Variants in MEI1 observed in about 807,000 individuals in gnomAD.
MEI1 encodes meiosis inhibitor protein 1.
In MEI1, 103 loss-of-function variants were observed where a neutral mutation model predicts 146.2. That is an observed-to-expected ratio of 0.70 (90% CI 0.60 to 0.83). MEI1 has a LOEUF of 0.83. MEI1 is among the 40% of genes least tolerant of loss of function. The probability of loss-of-function intolerance (pLI) is 0.00; values close to 1 mark genes in which losing one functional copy is unlikely to be tolerated. For missense variants in MEI1, 1,529 were observed against 1,533.0 expected, an observed-to-expected ratio of 1.00 and a Z score of 0.04; for synonymous variants, 652 against 628.2, an observed-to-expected ratio of 1.04 and a Z score of -0.57.
chr22:41,700,989 G>T (rs1198602331), intron 1 of MEI1, among the ~76,000 whole-genome samples: 1 of 149,852 alleles, frequency 6.7e-6, no homozygotes, highest in Non-Finnish European at 1.5e-5. Context: ...GCCCAGGCTG[G>T]AGTGCAATGG....
chr22:41,716,570 T>G (rs776346109), intron 5 of MEI1, among the ~76,000 whole-genome samples: 1 of 151,428 alleles, frequency 6.6e-6, no homozygotes, highest in Non-Finnish European at 1.5e-5. Context: ...GAGACGGGGT[T>G]TCTCCATGTT....
chr22:41,711,173 C>CT (rs1046705396), intron 3 of MEI1, among the ~76,000 whole-genome samples: 9 of 151,406 alleles, frequency 5.9e-5, no homozygotes, highest in Non-Finnish European at 1.0e-4. Context: ...ACCAGTATTT[C>CT]TTTTTTTTTC....
In MEI1 at chr22:41,778,830, G is replaced by T; in HGVS notation, c.2815+18G>T. 6.3e-7 allele frequency: 1 copy of T among 1,577,428 alleles called. No individual in the cohort carries two copies. The highest frequency in any genetic ancestry group is 8.6e-7 in the Non-Finnish European group (1 of 1,158,452). On this transcript the variant is annotated intron_variant, in intron 22 of 30. Transcript: ENST00000401548. The stretch of plus-strand genomic sequence containing the variant: ...TCACCAAGGTGCCCTGGCTGCTTGG[G>T]ATAGCGCCCAAGGGCCCAGGGCTGG...
At chr22:41,725,743 C>T (rs1001783827) in intron 7 of MEI1, among the ~76,000 whole-genome samples, 2 of 152,246 alleles carry the variant, frequency 1.3e-5, no homozygotes, top group Admixed American at 6.5e-5. Context: ...GCCTATAGGG[C>T]TCCCCTGTCA....
At chr22:41,769,380 A>T (rs570044494) in intron 19 of MEI1, among the ~76,000 whole-genome samples, 1 of 152,238 alleles carries the variant, frequency 6.6e-6, no homozygotes, top group East Asian at 1.9e-4. Context: ...ATGAAGTTGG[A>T]CTCTTAACTC....
chr22:41,716,672 G>A (rs2070218143), intron 5 of MEI1, among the ~76,000 whole-genome samples: 1 of 144,866 alleles, frequency 6.9e-6, no homozygotes, highest in Non-Finnish European at 1.5e-5. Flanking sequence ...CACCACGCTG[G>A]CCTTCCATTC....
At chr22:41,720,597 ATTT>A (rs71184835) in intron 6 of MEI1, among the ~76,000 whole-genome samples, 5 of 124,836 alleles carry the variant, frequency 4.0e-5, no homozygotes, top group Non-Finnish European at 1.6e-5. Flanking sequence ...GCCTGGCTCA[ATTT>A]TTTTTTTTTT....
intron 6 of MEI1, among the ~76,000 whole-genome samples, chr22:41,721,398 C>A (rs549786797): frequency 1.3e-5 from 2 of 151,508 alleles, no homozygotes; most frequent in African/African-American, 2.4e-5. Flanking sequence ...GCGCATGCCA[C>A]CACATCTGGC....
intron 3 of MEI1, among the ~76,000 whole-genome samples, chr22:41,711,197 C>T (rs1048239826): frequency 2.0e-5 from 3 of 151,542 alleles, no homozygotes; most frequent in Admixed American, 6.6e-5. Flanking sequence ...TTTTTTGAGA[C>T]AATCTCACTC....
chr22:41,720,452 A>G (rs1428140424), intron 6 of MEI1, among the ~76,000 whole-genome samples: 1 of 152,086 alleles, frequency 6.6e-6, no homozygotes, highest in Non-Finnish European at 1.5e-5. Context: ...TTATTTTGAG[A>G]CAGGGTCTTG....
chr22:41,766,360 C>T (rs956201507), intron 19 of MEI1, among the ~76,000 whole-genome samples: 1 of 151,040 alleles, frequency 6.6e-6, no homozygotes, highest in African/African-American at 2.4e-5. Context: ...TTAGTAGAGA[C>T]AGGGTTTCAC....
intron 20 of MEI1, 55 bp downstream of exon 20, chr22:41,771,016 G>C (rs980830248): frequency 3.0e-5 from 47 of 1,576,178 alleles, no homozygotes; most frequent in Non-Finnish European, 3.4e-5. Flanking sequence ...TTCTCTCTCT[G>C]AGAGCCGGTT....
At chr22:41,724,136 G>C (rs2071108193) in intron 7 of MEI1, 63 bp downstream of exon 7, 1 of 1,585,538 alleles carries the variant, frequency 6.3e-7, no homozygotes, top group Non-Finnish European at 8.6e-7. Context: ...TGCTTCTTGG[G>C]CCTTGTCTTC....
At chr22:41,740,394 G>T (rs769403833) in intron 11 of MEI1, among the ~76,000 whole-genome samples, 1 of 152,024 alleles carries the variant, frequency 6.6e-6, no homozygotes, top group African/African-American at 2.4e-5. Context: ...GTGGTTCAGA[G>T]TGTCTTTGGA....
At chr22:41,702,263 T>G (rs1307376396) in intron 1 of MEI1, among the ~76,000 whole-genome samples, 2 of 148,710 alleles carry the variant, frequency 1.3e-5, no homozygotes, top group Non-Finnish European at 3.0e-5. Flanking sequence ...GCCTCAGCCT[T>G]CTGAGTAGCT....
chr22:41,759,660 T>TAAATAAATAAATAAATAAATAAAA, intron 18 of MEI1, among the ~76,000 whole-genome samples: 1 of 96,504 alleles, frequency 1.0e-5, no homozygotes, highest in African/African-American at 3.4e-5. Context: ...AATAAATAAA[T>TAAATAAATAAATAAATAAATAAAA]AAAAATAAAA....
chr22:41,781,810 T>A lies in MEI1; in HGVS notation c.3052T>A (p.Ser1018Thr). 6.2e-7 allele frequency: 1 copy of A among 1,613,992 alleles called. No individual in the cohort carries two copies. Among genetic ancestry groups the A allele is most frequent in the Non-Finnish European group, 8.5e-7 (1 of 1,179,902 alleles). ...CTGCTCTGCCTGGCTGCTCACTGCC[T>A]CCTTCTCTGCCCAGCAGCACAAGGG... Reference protein sequence around the residue: ...LLCSAWLLTASFSAQQHKGSL... With the variant: ...LLCSAWLLTATFSAQQHKGSL... The change falls in exon 24 of 31, where the codon TCC becomes ACC. Residue 1018 changes from serine (S) to threonine (T), a missense_variant. Transcript: ENST00000401548.
rs760748126 is a variant in MEI1, at chr22:41,778,816, C to G, written c.2815+4C>G. ...GCCATGAAGCTCCTTCACCAAGGTGCCCTGGCTGCTTGGGATAGCGCCCAA... is the reference window on the plus strand; with the variant it reads ...GCCATGAAGCTCCTTCACCAAGGTGGCCTGGCTGCTTGGGATAGCGCCCAA... On this transcript the variant is annotated splice_donor_region_variant and intron_variant, in intron 22 of 30. Coordinates refer to ENST00000401548, the MANE Select transcript of MEI1 (RefSeq NM_152513.4). 3 of 1,595,702 alleles carry G rather than the reference C, an allele frequency of 1.9e-6. No homozygotes were observed. The highest frequency in any genetic ancestry group is 3.5e-5 in the Admixed American group (2 of 57,104).
chr22:41,776,664 T>C (rs530220137), intron 21 of MEI1, among the ~76,000 whole-genome samples: 9 of 152,196 alleles, frequency 5.9e-5, no homozygotes, highest in Admixed American at 5.9e-4. Context: ...TGTTGGAAGC[T>C]CCTAGTGAGA....
Sources: allele counts gnomAD v4.1 joint callset (sites outside exome capture counted in the v4.1 genomes callset), GRCh38; gene constraint gnomAD v4.1.1; transcripts MANE v1.5; gene names NCBI Gene and HGNC (gene_info 2026-07-23, HGNC 2026-07-21).